Variants in NEU3 observed in about 807,000 individuals in gnomAD.
The protein encoded by NEU3 is sialidase-3.
In NEU3, 10 loss-of-function variants were observed where a neutral mutation model predicts 11.4. The ratio of observed to expected loss-of-function variants is 0.88; its 90% CI spans 0.54 to 1.49. The LOEUF is 1.49. Among genes scored for constraint, NEU3 ranks in the 40% most tolerant of loss-of-function variants. The pLI, the probability that NEU3 is intolerant of heterozygous loss-of-function variation, is 0.00. For synonymous variants in NEU3, 212 were observed against 228.2 expected, an observed-to-expected ratio of 0.93 and a Z score of 0.64; for missense variants, 529 against 581.8, an observed-to-expected ratio of 0.91 and a Z score of 0.93.
At chr11:75,004,907 TCTTTC>T (rs1948882458) in intron 2 of NEU3, among the ~76,000 whole-genome samples, 3 of 152,194 alleles carry the variant, frequency 2.0e-5, no homozygotes, top group Admixed American at 2.0e-4. Context: ...CTTTTTTCTT[TCTTTC>T]CTTTCCTTTC....
chr11:75,002,253 A>G (rs1043345055), intron 2 of NEU3, among the ~76,000 whole-genome samples: 1 of 152,198 alleles, frequency 6.6e-6, no homozygotes, highest in Non-Finnish European at 1.5e-5. Flanking sequence ...AGGACCCACT[A>G]TGTTGCCCAA....
At chr11:75,003,619 G>A (rs752068850) in intron 2 of NEU3, among the ~76,000 whole-genome samples, 1 of 152,134 alleles carries the variant, frequency 6.6e-6, no homozygotes, top group Non-Finnish European at 1.5e-5. Context: ...GCCAGGCTCG[G>A]TGGCTCACGC....
chr11:75,016,092 A>G (rs1030394891), intron 3 of NEU3, among the ~76,000 whole-genome samples: 4 of 152,196 alleles, frequency 2.6e-5, no homozygotes, highest in Non-Finnish European at 4.4e-5. Flanking sequence ...CAAGGGTCAG[A>G]GCACAGAGCA....
rs958638863 is a variant in NEU3, at chr11:74,988,967, C to A, written c.-94C>A. The stretch of plus-strand genomic sequence containing the variant: ...GCTCTTCGCTTCTCGGGGCTTGTCT[C>A]CGTGTCCTCCGTCTCAGTTGTTTCT... On this transcript the variant is annotated 5_prime_UTR_variant, in exon 1 of 3. Coordinates refer to ENST00000294064, the MANE Select transcript of NEU3 (RefSeq NM_006656.6). The A allele has an allele frequency of 2.1e-6, 2 of 946,088 alleles. No individual in the cohort carries two copies. The highest frequency in any genetic ancestry group is 1.5e-5 in the South Asian group (1 of 68,846). The allele number at this position is 946,088 out of a possible 1,614,324, so 58.6% of individuals were successfully genotyped here. A position where few individuals can be genotyped will look rare whatever the true frequency, so the allele number is the denominator to read the frequency against.
At position 75,005,886 on chromosome 11, in the gene NEU3, AG is replaced by A. The variant is rs1565497423; in HGVS notation, c.781del (p.Val261TrpfsTer4). ...GGCCCATGGTTACAGTAGAATGTGAAGTGGCAGAGGTGACTGGGAGGGCTGG... is the reference window on the plus strand; with the variant it reads ...GGCCCATGGTTACAGTAGAATGTGAATGGCAGAGGTGACTGGGAGGGCTGG... Reference protein sequence around the residue: ...IRPMVTVECEVAEVTGRAGHP... With the variant: ...IRPMVTVECEXAEVTGRAGHP... On this transcript the variant is annotated frameshift_variant, in exon 3 of 3. Coordinates refer to ENST00000294064, the MANE Select transcript of NEU3 (RefSeq NM_006656.6). LOFTEE classifies it low-confidence loss of function (END_TRUNC). 6.2e-7 allele frequency: 1 copy of A among 1,613,748 alleles called. No homozygotes were observed. The highest frequency in any genetic ancestry group is 2.2e-5 in the East Asian group (1 of 44,874).
upstream of NEU3, among the ~76,000 whole-genome samples, chr11:74,985,230 G>C (rs759554935): frequency 1.3e-5 from 2 of 152,010 alleles, no homozygotes; most frequent in Non-Finnish European, 2.9e-5. Flanking sequence ...AGACAAATAA[G>C]GCTTAAAGAA....
Position 75,005,734 on chromosome 11 carries a change from C to G in NEU3, c.628C>G (p.Pro210Ala), listed in dbSNP as rs562313920. 60 of 1,613,910 alleles carry G rather than the reference C, an allele frequency of 3.7e-5. No individual in the cohort carries two copies. Residue 210 changes from proline (P) to alanine (A), a missense_variant, in exon 3 of 3, where the codon CCT becomes GCT. Coordinates refer to ENST00000294064, the MANE Select transcript of NEU3 (RefSeq NM_006656.6). ...IQLQSGRLVIPAYTYYIPSWF... is the reference protein window; with the variant it reads ...IQLQSGRLVIAAYTYYIPSWF... ...GCTGCAGTCAGGGAGACTGGTCATC[C>G]CTGCGTATACCTACTACATCCCTTC...
intron 2 of NEU3, among the ~76,000 whole-genome samples, chr11:74,999,135 T>G (rs79014242): frequency 1.2e-5 from 1 of 85,938 alleles, no homozygotes; most frequent in Non-Finnish European, 2.8e-5. Flanking sequence ...AACTGTCTGT[T>G]TGTCTGTCTG....
chr11:74,984,154 T>C (rs1948653889), upstream of NEU3, among the ~76,000 whole-genome samples: 1 of 152,172 alleles, frequency 6.6e-6, no homozygotes. Flanking sequence ...AAGGTGCATA[T>C]CGTTGGGAGA....
upstream of NEU3, among the ~76,000 whole-genome samples, chr11:74,987,898 C>CT (rs58508078): frequency 3.5e-3 from 79 of 22,336 alleles, 2 homozygotes; most frequent in East Asian, 8.8e-3. Flanking sequence ...TTTTTTTTTT[C>CT]TTTTTTTTTT....
At chr11:74,984,591 T>G (rs1164592975), upstream of NEU3, among the ~76,000 whole-genome samples, 3 of 152,210 alleles carry the variant, frequency 2.0e-5, no homozygotes, top group Admixed American at 6.5e-5. Context: ...TCCCATATCT[T>G]GGAAGCTCCC....
At chr11:74,997,422 G>A (rs757209864) in intron 2 of NEU3, among the ~76,000 whole-genome samples, 39 of 152,184 alleles carry the variant, frequency 2.6e-4, no homozygotes, top group Admixed American at 7.2e-4. Context: ...TTTAGGCTTT[G>A]TCTTAAGGGA....
At position 74,988,973 on chromosome 11, in the gene NEU3, C is replaced by A; in HGVS notation, c.-88C>A. ...CGCTTCTCGGGGCTTGTCTCCGTGT[C>A]CTCCGTCTCAGTTGTTTCTCCCTCT... On this transcript the variant is annotated 5_prime_UTR_variant, in exon 1 of 3. Transcript: ENST00000294064. 2 of 991,566 alleles carry A rather than the reference C, an allele frequency of 2.0e-6. No individual in the cohort carries two copies. Among genetic ancestry groups the A allele is most frequent in the Non-Finnish European group, 3.0e-6 (2 of 659,866 alleles). 61.4% of individuals were successfully genotyped at this position (991,566 alleles called of 1,614,324 possible).
At position 75,006,541 on chromosome 11, in the gene NEU3, G is replaced by A; in HGVS notation, c.*49G>A. On this transcript the variant is annotated 3_prime_UTR_variant, in exon 3 of 3. Transcript: ENST00000294064. ...AGATGCAAATGGCAGTTACAGACAG[G>A]TTAACAGAAGCTACTGAAGTCTACA... The A allele has an allele frequency of 2.6e-6, 4 of 1,544,194 alleles. No homozygotes were observed. The highest frequency in any genetic ancestry group is 3.5e-6 in the Non-Finnish European group (4 of 1,147,428).
At chr11:75,012,254 G>A (rs1948960722), downstream of NEU3, among the ~76,000 whole-genome samples, 1 of 152,158 alleles carries the variant, frequency 6.6e-6, no homozygotes, top group Non-Finnish European at 1.5e-5. Flanking sequence ...CTGACCATCA[G>A]GAACCTCATG....
upstream of NEU3, among the ~76,000 whole-genome samples, chr11:74,984,743 C>T (rs914104057): frequency 3.3e-5 from 5 of 152,168 alleles, no homozygotes; most frequent in East Asian, 1.9e-4. Context: ...CTGATCCCCT[C>T]GCTTTAGTTG....
At position 75,010,335 on chromosome 11, in the gene NEU3, T is replaced by G. The variant is rs1948944964; in HGVS notation, c.*3843T>G. 1 of 152,210 alleles carries G rather than the reference T, an allele frequency of 6.6e-6. No individual in the cohort carries two copies. The highest frequency in any genetic ancestry group is 1.5e-5 in the Non-Finnish European group (1 of 68,028). 9.4% of individuals were successfully genotyped at this position (152,210 alleles called of 1,614,324 possible). A position where few individuals can be genotyped will look rare whatever the true frequency, so the allele number is the denominator to read the frequency against. Reference sequence around the variant, plus strand: ...CTCTCTTTGTCCTCTGCACCCAGCGTAGGGCCTGAAACAGAGTAGCTAGCA... The same window carrying G: ...CTCTCTTTGTCCTCTGCACCCAGCGGAGGGCCTGAAACAGAGTAGCTAGCA... On this transcript the variant is annotated 3_prime_UTR_variant, in exon 3 of 3. Transcript: ENST00000294064.
At chr11:74,992,727 A>G (rs1591752418) in intron 1 of NEU3, among the ~76,000 whole-genome samples, 1 of 152,190 alleles carries the variant, frequency 6.6e-6, no homozygotes, top group East Asian at 1.9e-4. Flanking sequence ...TGGGAGGCCA[A>G]GGTGGGTGGA....
chr11:75,020,398 A>G (rs1282155671), downstream of NEU3, among the ~76,000 whole-genome samples: 1 of 152,124 alleles, frequency 6.6e-6, no homozygotes, highest in Non-Finnish European at 1.5e-5. Context: ...CTGTTCCACC[A>G]CCCAAATCTC....
Sources: allele counts gnomAD v4.1 joint callset (sites outside exome capture counted in the v4.1 genomes callset), GRCh38; gene constraint gnomAD v4.1.1; transcripts MANE v1.5; gene names NCBI Gene and HGNC (gene_info 2026-07-23, HGNC 2026-07-21).